TRPM5: variants seen among roughly 807,000 people sequenced by gnomAD.
The protein encoded by TRPM5 is transient receptor potential cation channel subfamily M member 5.
TRPM5 carries 121 observed loss-of-function variants against 124.9 expected under a neutral mutation model. The ratio of observed to expected loss-of-function variants is 0.97; its 90% CI spans 0.84 to 1.13. The LOEUF is 1.13. Among genes scored for constraint, TRPM5 ranks in the 50% most tolerant of loss-of-function variants. TRPM5 has a pLI of 0.00. For missense variants in TRPM5, 1,643 were observed against 1,589.1 expected (o/e 1.03, Z -0.58); for synonymous variants, 781 against 700.5 (o/e 1.11, Z -1.81).
At chr11:2,424,110 C>G (rs1845813827), upstream of TRPM5, among the ~76,000 whole-genome samples, 1 of 152,260 alleles carries the variant, frequency 6.6e-6, no homozygotes, top group African/African-American at 2.4e-5. Flanking sequence ...CTGGCAGCTC[C>G]TGATCCCACA....
chr11:2,428,659 G>A, the TRPM5 span, among the ~76,000 whole-genome samples: 4 of 151,984 alleles, frequency 2.6e-5, no homozygotes, highest in Admixed American at 2.6e-4. The surrounding 1 kb of genome is among the most constrained non-coding windows in gnomAD (Gnocchi z 4.0). Context: ...GATGGTGATG[G>A]TGGTGGGAAT....
chr11:2,443,799 G>A, the TRPM5 span, among the ~76,000 whole-genome samples: 2 of 152,000 alleles, frequency 1.3e-5, no homozygotes, highest in Admixed American at 6.6e-5. This position sits in a 1 kb window ranked among gnomAD's most constrained non-coding sequence, Gnocchi z 5.0. Flanking sequence ...GAAAAAAGCC[G>A]GTCTCTTCTG....
At chr11:2,411,791 G>A in intron 16 of TRPM5, 24 bp from the exon 22 acceptor site, 1 of 1,611,578 alleles carries the variant, frequency 6.2e-7, no homozygotes. Context: ...GGCTGATGCG[G>A]CTGCGGGGCC....
intron 1 of TRPM5, among the ~76,000 whole-genome samples, 182 bp downstream of exon 6, chr11:2,422,738 C>T (rs981475767): frequency 1.1e-4 from 16 of 152,004 alleles, no homozygotes; most frequent in Middle Eastern, 6.8e-3. Flanking sequence ...GGTAGGAGGC[C>T]GGCCAGAGCC....
At chr11:2,426,962 G>A (rs766114860), upstream of TRPM5, among the ~76,000 whole-genome samples, 7 of 152,142 alleles carry the variant, frequency 4.6e-5, no homozygotes, top group Non-Finnish European at 2.9e-5. Context: ...CACTCCCTTC[G>A]CCCTCAGCTT....
intron 19 of TRPM5, 58 bp downstream of exon 24, chr11:2,407,701 A>ATGACCCTCTGCTCCCTCC: frequency 1.3e-6 from 2 of 1,589,012 alleles, no homozygotes; most frequent in South Asian, 2.3e-5. Context: ...GTGTTGGGGA[A>ATGACCCTCTGCTCCCTCC]TGACCCTCTG....
exon 15 of TRPM5, chr11:2,412,826 G>C (rs756209557): frequency 6.2e-6 from 10 of 1,604,370 alleles, no homozygotes; most frequent in African/African-American, 4.0e-5. Flanking sequence ...AGGGGCCCTG[G>C]GGGGGCGGCC....
exon 24 of TRPM5, chr11:2,404,776 C>T (rs2133492637): frequency 3.3e-6 from 2 of 598,342 alleles, no homozygotes; most frequent in Middle Eastern, 4.5e-4. Flanking sequence ...AGGAGCGGTT[C>T]CTTTGGGTGA....
intron 4 of TRPM5, among the ~76,000 whole-genome samples, chr11:2,419,844 A>G (rs1309223482): frequency 1.3e-5 from 2 of 152,198 alleles, no homozygotes. Context: ...GCGGCAGCAT[A>G]CCTCACGCCT....
At chr11:2,443,004 C>G in the TRPM5 span, among the ~76,000 whole-genome samples, 1 of 152,140 alleles carries the variant, frequency 6.6e-6, no homozygotes. The surrounding 1 kb of genome is among the most constrained non-coding windows in gnomAD (Gnocchi z 5.0). Context: ...CCCATTTGGT[C>G]ATTTGTCTCC....
exon 10 of TRPM5, chr11:2,414,908 A>G (rs1487649384): frequency 3.7e-6 from 6 of 1,604,552 alleles, no homozygotes; most frequent in East Asian, 2.2e-5. Context: ...TGGGCTCACC[A>G]TGGCCCAGAA....
At chr11:2,434,303 CTGTG>C in the TRPM5 span, among the ~76,000 whole-genome samples, 12 of 147,338 alleles carry the variant, frequency 8.1e-5, no homozygotes, top group African/African-American at 2.0e-4. Flanking sequence ...TGTGGCTGCA[CTGTG>C]TGTGTGTGGA....
At chr11:2,435,584 C>T in the TRPM5 span, among the ~76,000 whole-genome samples, 1 of 118,622 alleles carries the variant, frequency 8.4e-6, no homozygotes, top group Non-Finnish European at 1.9e-5. This position sits in a 1 kb window ranked among gnomAD's most constrained non-coding sequence, Gnocchi z 4.1. Context: ...TCTGTCTGTC[C>T]ATCCATCCAT....
upstream of TRPM5, among the ~76,000 whole-genome samples, chr11:2,427,946 A>T (rs1245462996): frequency 6.6e-6 from 1 of 152,154 alleles, no homozygotes; most frequent in Non-Finnish European, 1.5e-5. Context: ...ATGGTGTCTC[A>T]TCTGTGCTGG....
chr11:2,414,631 T>C, intron 11 of TRPM5, 84 bp downstream of exon 16: 1 of 1,438,094 alleles, frequency 7.0e-7, no homozygotes, highest in Non-Finnish European at 9.1e-7. Flanking sequence ...CAGGCAGCCC[T>C]GGCGAGGCCC....
In TRPM5 at chr11:2,406,794, C is replaced by T. The variant is rs2133498575; in HGVS notation, c.3119-1G>A. ...TCCAGGGGGTCTGGCAGGTCTCTCT[C>T]TGGGAAAGCCAGGTGGCAGCCAGCA... is the stretch of plus-strand genomic sequence containing the variant. On this transcript the variant is annotated splice_acceptor_variant, in intron 20 of 23. Coordinates refer to ENST00000155858, the Ensembl canonical transcript of TRPM5. LOFTEE classifies it high-confidence loss of function. The T allele has an allele frequency of 6.2e-7, 1 of 1,609,794 alleles. No homozygotes were observed. Among genetic ancestry groups the T allele is most frequent in the East Asian group, 2.2e-5 (1 of 44,854 alleles).
exon 12 of TRPM5, chr11:2,414,162 C>G (rs775895040): frequency 1.2e-6 from 2 of 1,609,596 alleles, no homozygotes; most frequent in Non-Finnish European, 1.7e-6. Context: ...ACCAGCAGGG[C>G]GAAGGCGCGG....
At chr11:2,426,128 C>T (rs1845838434), upstream of TRPM5, among the ~76,000 whole-genome samples, 1 of 152,178 alleles carries the variant, frequency 6.6e-6, no homozygotes, top group African/African-American at 2.4e-5. Context: ...GAAGCAGCCA[C>T]AACCAAAGCT....
chr11:2,425,345 G>A (rs966379172), upstream of TRPM5, among the ~76,000 whole-genome samples: 4 of 152,204 alleles, frequency 2.6e-5, no homozygotes, highest in African/African-American at 9.6e-5. Context: ...GGCGCCAGGT[G>A]TTCCTGGCTG....
Sources: gnomAD v4.1 joint callset for allele counts (sites outside exome capture counted in the v4.1 genomes callset) on GRCh38, gnomAD v4.1.1 for gene constraint, Gnocchi (gnomAD v3.1) non-coding constraint, MANE v1.5 for transcripts, NCBI Gene and HGNC (gene_info 2026-07-23, HGNC 2026-07-21) for gene names.